The following RC3H2 variants were observed in gnomAD, a reference collection of about 807,000 sequenced individuals.
RC3H2 encodes ring finger and CCCH-type domains 2, also known as roquin-2.
RC3H2 carries 31 observed loss-of-function variants against 133.3 expected under a neutral mutation model. That is an observed-to-expected ratio of 0.23 (90% CI 0.17 to 0.31). The LOEUF is 0.31. Among genes scored for constraint, RC3H2 ranks in the 10% least tolerant of loss-of-function variants. The probability of loss-of-function intolerance (pLI) is 1.00; values close to 1 mark genes in which losing one functional copy is unlikely to be tolerated. For missense variants in RC3H2, 1,175 were observed against 1,437.2 expected (o/e 0.82, Z 2.95); for synonymous variants, 517 against 502.2 (o/e 1.03, Z -0.40).
In RC3H2 at chr9:122,890,345, C is replaced by T. The variant is rs746367267; in HGVS notation, c.550G>A (p.Val184Ile). Residue 184 changes from valine to isoleucine, a missense_variant, in exon 4 of 21, where the codon GTC becomes ATC. Coordinates refer to ENST00000357244, the MANE Select transcript of RC3H2 (RefSeq NM_001100588.3). ...AAAAACTGGCATCCTCGAGCCCTGA[C>T]AGCGGCCCATAGATTGGCAGACAAC... Reference protein sequence around the residue: ...QQLSANLWAAVRARGCQFLGP... With the variant: ...QQLSANLWAAIRARGCQFLGP... 6.2e-7 allele frequency: 1 copy of T among 1,614,142 alleles called. No homozygotes were observed. The highest frequency in any genetic ancestry group is 1.7e-5 in the Admixed American group (1 of 60,020).
chr9:122,866,914 AGT>A (rs1830706615), intron 9 of RC3H2, among the ~76,000 whole-genome samples: 1 of 148,776 alleles, frequency 6.7e-6, no homozygotes, highest in Non-Finnish European at 1.5e-5. Context: ...CAGTCTGGAA[AGT>A]GAGAAGCGTC....
intron 1 of RC3H2, 58 bp downstream of exon 1, chr9:122,905,052 C>G: frequency 1.0e-6 from 1 of 979,686 alleles, no homozygotes; most frequent in Non-Finnish European, 1.2e-6. Context: ...CGCCCGACCG[C>G]CGGGGACCAG....
At chr9:122,886,117 T>C (rs1347718243) in intron 4 of RC3H2, among the ~76,000 whole-genome samples, 1 of 152,214 alleles carries the variant, frequency 6.6e-6, no homozygotes, top group African/African-American at 2.4e-5. Flanking sequence ...CTCAAACTCC[T>C]GACCTCAAGT....
intron 9 of RC3H2, among the ~76,000 whole-genome samples, chr9:122,870,761 T>C (rs1831050809): frequency 6.6e-6 from 1 of 152,198 alleles, no homozygotes; most frequent in Non-Finnish European, 1.5e-5. Context: ...TAGAATCCAC[T>C]ATCTACCATT....
chr9:122,898,111 A>T lies in RC3H2; in HGVS notation c.-67-535T>A, dbSNP rs41296053. The T allele has an allele frequency of 5.1e-3, 773 of 152,448 alleles. 5 individuals are homozygous for T. Among genetic ancestry groups the T allele is most frequent in the Non-Finnish European group, 8.5e-3 (582 of 68,108 alleles). The allele number at this position is 152,448 out of a possible 1,614,324, so 9.4% of individuals were successfully genotyped here. On this transcript the variant is annotated intron_variant, in intron 1 of 20. Transcript: ENST00000357244. ...AGGAAATCTCTGACAAGACTTGGCT[A>T]GGAAGCAAAATGAGGCACTGAAAAT...
At chr9:122,879,899 G>A (rs1339922901) in intron 7 of RC3H2, 26 bp from the exon 8 acceptor site, 1 of 1,611,466 alleles carries the variant, frequency 6.2e-7, no homozygotes, top group Non-Finnish European at 8.5e-7. Context: ...AAGGGCATGG[G>A]GGTTGGGGGG....
chr9:122,873,391 G>T (rs1017059766), intron 9 of RC3H2, among the ~76,000 whole-genome samples: 3 of 152,136 alleles, frequency 2.0e-5, no homozygotes, highest in Non-Finnish European at 4.4e-5. Context: ...ATGTTATCAG[G>T]TGTTTTCTAG....
At chr9:122,875,390 T>G (rs1831290116) in intron 9 of RC3H2, 1 of 1,527,098 alleles carries the variant, frequency 6.5e-7, no homozygotes, top group African/African-American at 1.4e-5. Flanking sequence ...AGACAAACAT[T>G]TAATAAACAG....
intron 5 of RC3H2, among the ~76,000 whole-genome samples, chr9:122,882,590 T>A (rs1831695044): frequency 6.6e-6 from 1 of 152,368 alleles, no homozygotes; most frequent in South Asian, 2.1e-4. Context: ...ATAAAAACAC[T>A]TTAAGGATTC....
At position 122,844,706 on chromosome 9, in the gene RC3H2, A is replaced by G. The variant is rs1446764489; in HGVS notation, c.*4921T>C. ...TAATATCTCTTCACTTCAGTGCTAC[A>G]GCAAAAACACACAGAATTCACTCTT... On this transcript the variant is annotated 3_prime_UTR_variant, in exon 21 of 21. Coordinates refer to ENST00000357244, the MANE Select transcript of RC3H2 (RefSeq NM_001100588.3). 6.6e-6 allele frequency: 1 copy of G among 152,222 alleles called. No homozygotes were observed. Among genetic ancestry groups the G allele is most frequent in the Non-Finnish European group, 1.5e-5 (1 of 68,040 alleles). The allele number at this position is 152,222 out of a possible 1,614,324, so 9.4% of individuals were successfully genotyped here.
At chr9:122,875,048 C>T (rs1831271539) in intron 9 of RC3H2, 1 of 1,011,092 alleles carries the variant, frequency 9.9e-7, no homozygotes, top group Admixed American at 3.5e-5. Flanking sequence ...AGCTAAAAAG[C>T]TCTATTTCAG....
intron 20 of RC3H2, among the ~76,000 whole-genome samples, chr9:122,850,486 C>T (rs1829981044): frequency 7.6e-6 from 1 of 132,388 alleles, no homozygotes; most frequent in African/African-American, 3.2e-5. Context: ...CAGTCTGTCG[C>T]CCAGGCTGGA....
rs555354895 is a variant in RC3H2, at chr9:122,883,131, C to G, written c.759+73G>C. 5 of 1,420,640 alleles carry G rather than the reference C, an allele frequency of 3.5e-6. No homozygotes were observed. In the East Asian group the frequency reaches 1.2e-4, roughly 33 times the overall value. The allele number at this position is 1,420,640 out of a possible 1,614,324, so 88.0% of individuals were successfully genotyped here. ...ATTCTGCATTGCTAGGGCCTCTAGA[C>G]TGGGTAACATGAATTTCAGGAAGTC... On this transcript the variant is annotated intron_variant, in intron 5 of 20. Coordinates refer to ENST00000357244, the MANE Select transcript of RC3H2 (RefSeq NM_001100588.3).
At chr9:122,882,318 C>T (rs772207471) in intron 5 of RC3H2, among the ~76,000 whole-genome samples, 31 of 152,160 alleles carry the variant, frequency 2.0e-4, no homozygotes, top group Admixed American at 5.2e-4. Flanking sequence ...GTGTCCAAGC[C>T]TCATTAGTGG....
Position 122,877,516 on chromosome 9 carries a change from C to G in RC3H2, c.1280G>C (p.Arg427Pro), listed in dbSNP as rs1454188047. The change falls in exon 9 of 21, where the codon CGA becomes CCA. Residue 427 changes from arginine to proline, a missense_variant. By Grantham distance (103) the Arg-to-Pro change is moderately radical. Around this residue, in one of 8 missense-constraint regions of RC3H2, gnomAD observed 131 missense variants for 154.2 expected, o/e 0.85. Transcript: ENST00000357244. ...ATGGGCAAATGTACAATTTGTTCCT[C>G]GTGGACAACCCCCTTGCTGTCGCAA... ...RDLRQQGGCP[R>P]GTNCTFAHSQ... is the part of the protein sequence containing the mutation. The G allele has an allele frequency of 6.2e-7, 1 of 1,614,178 alleles. No homozygotes were observed. The highest frequency in any genetic ancestry group is 1.7e-5 in the Admixed American group (1 of 60,022).
intron 9 of RC3H2, chr9:122,875,041 T>C (rs1831271102): frequency 1.0e-6 from 1 of 960,152 alleles, no homozygotes; most frequent in African/African-American, 1.6e-5. Flanking sequence ...CCCTTTTAGC[T>C]AAAAAGCTCT....
rs1830307666 is a variant in RC3H2 at position 122,857,915 on chromosome 9, T to G, written c.2454+8A>C. Reference sequence around the variant, plus strand: ...CCTGCAACATTAAGTAATTAAAACCTTTCTTACATCCGCACGAAAGTCTAC... The same window carrying G: ...CCTGCAACATTAAGTAATTAAAACCGTTCTTACATCCGCACGAAAGTCTAC... On this transcript the variant is annotated splice_region_variant and intron_variant, in intron 13 of 20. Transcript: ENST00000357244. 6.2e-7 allele frequency: 1 copy of G among 1,611,128 alleles called. No individual in the cohort carries two copies. The highest frequency in any genetic ancestry group is 8.5e-7 in the Non-Finnish European group (1 of 1,178,536).
At chr9:122,900,274 C>G (rs1832605807) in intron 1 of RC3H2, among the ~76,000 whole-genome samples, 4 of 152,010 alleles carry the variant, frequency 2.6e-5, no homozygotes, top group Admixed American at 6.6e-5. Flanking sequence ...ATAACTCTAC[C>G]AAATTTTCTT....
At chr9:122,893,138 T>A in intron 2 of RC3H2, 112 bp from the exon 3 acceptor site, 1 of 1,339,816 alleles carries the variant, frequency 7.5e-7, no homozygotes, top group Non-Finnish European at 9.9e-7. Context: ...CATGCATAGA[T>A]AATACATGAA....
Sources: allele counts gnomAD v4.1 joint callset (sites outside exome capture counted in the v4.1 genomes callset), GRCh38; gene constraint gnomAD v4.1.1; regional missense constraint gnomAD v4.1.1; transcripts MANE v1.5; gene names NCBI Gene and HGNC (gene_info 2026-07-23, HGNC 2026-07-21).